SLC5A10: variants seen among roughly 807,000 people sequenced by gnomAD.
SLC5A10 encodes sodium/mannose cotransporter SLC5A10.
SLC5A10 carries 55 observed loss-of-function variants against 68.9 expected under a neutral mutation model. The ratio of observed to expected loss-of-function variants is 0.80; its 90% CI spans 0.64 to 1.00. The LOEUF (loss-of-function observed/expected upper bound fraction) is 1.00, where lower values mean the gene tolerates loss of function less well. Ranked by LOEUF, SLC5A10 falls within the 50% of genes least tolerant of loss-of-function variation. The pLI, the probability that SLC5A10 is intolerant of heterozygous loss-of-function variation, is 0.00. For missense variants in SLC5A10, 732 were observed against 819.3 expected (o/e 0.89, Z 1.30); for synonymous variants, 344 against 344.8 (o/e 1.00, Z 0.02).
intron 9 of SLC5A10, among the ~76,000 whole-genome samples, chr17:18,995,077 AAAAACTAC>A (rs1264582915): frequency 2.0e-5 from 3 of 152,232 alleles, no homozygotes; most frequent in Non-Finnish European, 4.4e-5. Flanking sequence ...CAAAACAAAC[AAAAACTAC>A]AAACTAAAAT....
chr17:18,981,498 T>C (rs2043131598), intron 9 of SLC5A10, among the ~76,000 whole-genome samples: 1 of 151,936 alleles, frequency 6.6e-6, no homozygotes, highest in Non-Finnish European at 1.5e-5. Flanking sequence ...CATCAGGCAG[T>C]GGGTGTGTGA....
intron 9 of SLC5A10, among the ~76,000 whole-genome samples, chr17:19,005,396 G>A (rs2043857045): frequency 6.6e-6 from 1 of 152,184 alleles, no homozygotes. Flanking sequence ...CCTGGGGTTG[G>A]GACCCTGGTT....
intron 5 of SLC5A10, among the ~76,000 whole-genome samples, chr17:18,965,831 C>T (rs745467930): frequency 6.6e-6 from 1 of 152,196 alleles, no homozygotes; most frequent in African/African-American, 2.4e-5. Flanking sequence ...CTCACAGGCC[C>T]CAGGGTCAGC....
chr17:19,007,567 T>G (rs900719207), intron 9 of SLC5A10, among the ~76,000 whole-genome samples: 4 of 152,160 alleles, frequency 2.6e-5, no homozygotes, highest in African/African-American at 9.7e-5. Flanking sequence ...CATGCCTGGC[T>G]AATTGTTTTT....
intron 5 of SLC5A10, among the ~76,000 whole-genome samples, chr17:18,965,490 G>C (rs1597823881): frequency 1.3e-5 from 2 of 152,230 alleles, no homozygotes; most frequent in African/African-American, 4.8e-5. Flanking sequence ...GCCCAGGCCG[G>C]GCAGCCAGAG....
Position 18,969,430 on chromosome 17 carries a change from C to T in SLC5A10, c.640+8C>T, listed in dbSNP as rs777901514. ...TCATCCTGACAATCAAAGGTGAGGA[C>T]AGAGTCTGTGGCCATGGCGGGGCTG... is the stretch of plus-strand genomic sequence containing the variant. On this transcript the variant is annotated splice_region_variant and intron_variant, in intron 7 of 14. Coordinates refer to ENST00000395645, the MANE Select transcript of SLC5A10 (RefSeq NM_001042450.4). 2 of 1,612,904 alleles carry T rather than the reference C, an allele frequency of 1.2e-6. No individual in the cohort carries two copies. The highest frequency in any genetic ancestry group is 1.3e-5 in the African/African-American group (1 of 75,058).
intron 5 of SLC5A10, among the ~76,000 whole-genome samples, chr17:18,965,089 A>G (rs538381466): frequency 4.8e-5 from 6 of 126,106 alleles, no homozygotes; most frequent in African/African-American, 2.7e-4. Context: ...GGTTTTTTTA[A>G]AAAAAAAAAA....
intron 9 of SLC5A10, among the ~76,000 whole-genome samples, chr17:18,992,040 C>T (rs940162423): frequency 6.6e-6 from 1 of 152,182 alleles, no homozygotes; most frequent in Non-Finnish European, 1.5e-5. Context: ...AGTGAGCCAA[C>T]AGCGAGCCTG....
intron 9 of SLC5A10, among the ~76,000 whole-genome samples, chr17:18,981,780 C>T (rs797013967): frequency 1.1e-4 from 17 of 152,352 alleles, no homozygotes; most frequent in African/African-American, 3.6e-4. Context: ...CCCCCCACCC[C>T]GCAGGCTGCA....
chr17:18,985,636 CA>C (rs1196948936), intron 9 of SLC5A10, among the ~76,000 whole-genome samples: 2 of 152,244 alleles, frequency 1.3e-5, no homozygotes, highest in Non-Finnish European at 2.9e-5. Context: ...GCTGGGCTCT[CA>C]GGGCCTCTGG....
In SLC5A10 at chr17:18,984,170, A is replaced by G. The variant is rs368323956; in HGVS notation, c.982+7181A>G. 2.3e-4 allele frequency among the ~76,000 whole-genome samples: 35 copies of G among 151,830 alleles called. No individual in the cohort carries two copies. In the East Asian group the frequency reaches 3.7e-3, roughly 16 times the overall value. ...ATCCTGGCTAACACGGTGAAACCCC[A>G]TCTCTACTAAAAATACAAAAAATTA... On this transcript the variant is annotated intron_variant, in intron 9 of 14. Transcript: ENST00000395645.
chr17:18,952,677 G>A (rs1236470124), intron 1 of SLC5A10, among the ~76,000 whole-genome samples: 2 of 152,238 alleles, frequency 1.3e-5, no homozygotes, highest in African/African-American at 2.4e-5. Flanking sequence ...GGCTCCCCGG[G>A]ATTCCCTGGC....
chr17:18,958,388 A>C (rs950048001), intron 1 of SLC5A10, among the ~76,000 whole-genome samples: 1 of 152,158 alleles, frequency 6.6e-6, no homozygotes, highest in Non-Finnish European at 1.5e-5. Flanking sequence ...AGACTGAATA[A>C]TATTTCTTTA....
At chr17:19,001,954 G>A (rs1339146338) in intron 9 of SLC5A10, among the ~76,000 whole-genome samples, 2 of 152,174 alleles carry the variant, frequency 1.3e-5, no homozygotes, top group African/African-American at 4.8e-5. Flanking sequence ...TGGAAGTGGA[G>A]GCTGGGTAAT....
intron 9 of SLC5A10, among the ~76,000 whole-genome samples, chr17:18,983,873 G>A (rs2043197924): frequency 6.6e-6 from 1 of 152,198 alleles, no homozygotes; most frequent in African/African-American, 2.4e-5. Context: ...TCTCCCCTAG[G>A]CCAAGGCTGC....
At chr17:19,019,351 T>A in intron 11 of SLC5A10, 72 bp from the exon 12 acceptor site, 1 of 1,531,786 alleles carries the variant, frequency 6.5e-7, no homozygotes, top group Non-Finnish European at 8.8e-7. Flanking sequence ...CAAGTCTTAG[T>A]GACCAGGGGA....
chr17:19,015,001 G>A, intron 10 of SLC5A10, 48 bp from the exon 11 acceptor site: 1 of 1,585,460 alleles, frequency 6.3e-7, no homozygotes, highest in Non-Finnish European at 8.6e-7. Context: ...GGGTTCCCGG[G>A]GCTGTCTCAA....
intron 9 of SLC5A10, among the ~76,000 whole-genome samples, chr17:19,008,586 G>A (rs1053485483): frequency 1.3e-5 from 2 of 148,932 alleles, no homozygotes; most frequent in African/African-American, 5.0e-5. Context: ...TGCAAGCTCC[G>A]CCTCCTGGGT....
rs2042769194 is a variant in SLC5A10, at chr17:18,968,990, A to G, written c.454-62A>G. The G allele has an allele frequency of 9.1e-6, 14 of 1,534,858 alleles. No individual in the cohort carries two copies. The highest frequency in any genetic ancestry group is 5.5e-5 in the Admixed American group (3 of 54,368). On this transcript the variant is annotated intron_variant, in intron 5 of 14. Coordinates refer to ENST00000395645, the MANE Select transcript of SLC5A10 (RefSeq NM_001042450.4). The surrounding 1 kb of genome is among the most constrained non-coding windows in gnomAD (Gnocchi z 4.1). The stretch of plus-strand genomic sequence containing the variant: ...GAGAGGGCCTTGCCCGAGGTCACCC[A>G]GGGAGTGGCTTGCTGGAGCCCTGGG...
Sources: gnomAD v4.1 joint callset for allele counts (sites outside exome capture counted in the v4.1 genomes callset) on GRCh38, gnomAD v4.1.1 for gene constraint, Gnocchi (gnomAD v3.1) non-coding constraint, MANE v1.5 for transcripts, NCBI Gene and HGNC (gene_info 2026-07-23, HGNC 2026-07-21) for gene names.